Variants in CDH23 observed in about 807,000 individuals in gnomAD.
The protein encoded by CDH23 is cadherin-23.
CDH23 carries 189 observed loss-of-function variants against 317.1 expected under a neutral mutation model. That is an observed-to-expected ratio of 0.60 (90% CI 0.53 to 0.67). The LOEUF (loss-of-function observed/expected upper bound fraction) is 0.67. CDH23 is among the 30% of genes least tolerant of loss of function. CDH23 has a pLI of 0.00. For missense variants in CDH23, 4,401 were observed against 4,592.4 expected, an observed-to-expected ratio of 0.96 and a Z score of 1.20; for synonymous variants, 1,839 against 1,876.8, an observed-to-expected ratio of 0.98 and a Z score of 0.52.
chr10:71,660,684 T>C (rs1440284852), intron 14 of CDH23, among the ~76,000 whole-genome samples: 1 of 150,370 alleles, frequency 6.7e-6, no homozygotes, highest in Non-Finnish European at 1.5e-5. Flanking sequence ...CCAGGTAGCA[T>C]TGTGTCCACC....
At chr10:71,709,274 C>G in intron 27 of CDH23, 63 bp downstream of exon 27, 2 of 1,464,482 alleles carry the variant, frequency 1.4e-6, no homozygotes, top group Non-Finnish European at 1.9e-6. Flanking sequence ...AGGGTGCCTC[C>G]CAGGAGCTGG....
chr10:71,547,208 C>T (rs891589157), intron 6 of CDH23, among the ~76,000 whole-genome samples: 7 of 152,316 alleles, frequency 4.6e-5, no homozygotes, highest in Non-Finnish European at 1.0e-4. Flanking sequence ...GCAAATACAG[C>T]CAAGGACCCG....
At position 71,792,840 on chromosome 10, in the gene CDH23, AAAAAAAAAAAAAATAT is replaced by A. The variant is rs1169591521; in HGVS notation, c.6254-340_6254-325del. On this transcript the variant is annotated intron_variant, in intron 47 of 69. Coordinates refer to ENST00000224721, the MANE Select transcript of CDH23 (RefSeq NM_022124.6). ...CCATCTAAAAAAAAAAAAAAAAAAA[AAAAAAAAAAAAAATAT>A]ATATATATATATATATATATGTCTC... Among the ~76,000 whole-genome samples the A allele has an allele frequency of 1.1e-4, 8 of 74,944 alleles. No individual in the cohort carries two copies. In the South Asian group the frequency reaches 1.3e-3, roughly 12 times the overall value. 49.2% of individuals were successfully genotyped at this position (74,944 alleles called of 152,430 possible). A position where few individuals can be genotyped will look rare whatever the true frequency, so the allele number is the denominator to read the frequency against.
In CDH23 at chr10:71,778,238, G is replaced by A. The variant is rs376614796; in HGVS notation, c.5117G>A (p.Arg1706His). Residue 1706 changes from arginine (R) to histidine (H), a missense_variant, in exon 40 of 70, where the codon CGC becomes CAC. This residue lies in a region of CDH23 where 3,068 missense variants were observed against 3,203.3 expected (regional missense o/e 0.96). Coordinates refer to ENST00000224721, the MANE Select transcript of CDH23 (RefSeq NM_022124.6). ...KELDYEISHG[R>H]YTLIVTATDQ... The stretch of plus-strand genomic sequence containing the variant: ...CTGGACTACGAGATCAGCCACGGCC[G>A]CTACACCCTGATCGTCACTGCCACA... 98 of 1,613,690 alleles carry A rather than the reference G, an allele frequency of 6.1e-5. No individual in the cohort carries two copies. The highest frequency in any genetic ancestry group is 4.3e-4 in the South Asian group (39 of 91,064).
rs1865738458 is a variant in CDH23, at chr10:71,705,147, G to A, written c.2953+17G>A. 1.2e-6 allele frequency: 2 copies of A among 1,600,212 alleles called. No homozygotes were observed. The highest frequency in any genetic ancestry group is 1.7e-6 in the Non-Finnish European group (2 of 1,173,048). On this transcript the variant is annotated intron_variant, in intron 25 of 69. Transcript: ENST00000224721. ...CCATCCATGGTGAGGGGGCGCAGGG[G>A]CTTCTGCTGTGTGCTCAGTGTGTGG...
At chr10:71,578,014 C>T in intron 9 of CDH23, 22 bp downstream of exon 9, 2 of 1,573,142 alleles carry the variant, frequency 1.3e-6, no homozygotes, top group Non-Finnish European at 1.7e-6. Context: ...GGCTGCCCCT[C>T]TCTCCTCTCA....
At chr10:71,795,399 A>C (rs754499441) in intron 48 of CDH23, 1 of 152,206 alleles carries the variant, frequency 6.6e-6, no homozygotes, top group Non-Finnish European at 1.5e-5. Context: ...TCCTGGCTGC[A>C]TGGGTTGGTC....
chr10:71,593,604 GA>G (rs1313651055), intron 9 of CDH23, among the ~76,000 whole-genome samples: 1 of 152,186 alleles, frequency 6.6e-6, no homozygotes, highest in Non-Finnish European at 1.5e-5. Flanking sequence ...TGCAGATCGA[GA>G]GGAAAAAGTT....
chr10:71,584,596 T>C (rs1439931720), intron 9 of CDH23, among the ~76,000 whole-genome samples: 2 of 128,854 alleles, frequency 1.6e-5, no homozygotes, highest in Non-Finnish European at 3.5e-5. Context: ...AATAATCAGA[T>C]ACAGTCAGAC....
rs1455212262 is a variant in CDH23, at chr10:71,803,348, G to T, written c.7800G>T (p.Glu2600Asp). The T allele has an allele frequency of 6.3e-7, 1 of 1,598,044 alleles. No individual in the cohort carries two copies. Among genetic ancestry groups the T allele is most frequent in the South Asian group, 1.1e-5 (1 of 88,116 alleles). ...PLWGTTMLLV[E>D]VIDVNDNRPV... The stretch of plus-strand genomic sequence containing the variant: ...GGGGCACCACCATGCTCCTGGTGGA[G>T]GTCATCGACGTCAATGACAACCGCC... Residue 2600 changes from glutamate (E) to aspartate (D), a missense_variant, in exon 55 of 70, where the codon GAG becomes GAT. By Grantham distance (45) the Glu-to-Asp change is conservative. This residue lies in a region of CDH23 where 1,144 missense variants were observed against 1,138.2 expected (regional missense o/e 1.01). Coordinates refer to ENST00000224721, the MANE Select transcript of CDH23 (RefSeq NM_022124.6).
intron 28 of CDH23, chr10:71,716,205 T>A (rs781281931): frequency 6.4e-7 from 1 of 1,551,104 alleles, no homozygotes; most frequent in South Asian, 1.2e-5. Flanking sequence ...AGGAGGAAGA[T>A]GCAGGCCAGG....
At chr10:71,618,304 A>C (rs1263778129) in intron 11 of CDH23, among the ~76,000 whole-genome samples, 1 of 152,088 alleles carries the variant, frequency 6.6e-6, no homozygotes, top group African/African-American at 2.4e-5. Flanking sequence ...CAGGAGGCTC[A>C]GGGTGGGGGC....
At chr10:71,731,423 A>T (rs1839381306) in intron 31 of CDH23, among the ~76,000 whole-genome samples, 1 of 152,196 alleles carries the variant, frequency 6.6e-6, no homozygotes, top group South Asian at 2.1e-4. Flanking sequence ...AGTTTAGGGC[A>T]CATACGCGGC....
rs1039066703 is a variant in CDH23 at position 71,811,246 on chromosome 10, A to G, written c.9078-69A>G. On this transcript the variant is annotated intron_variant, in intron 62 of 69. Coordinates refer to ENST00000224721, the MANE Select transcript of CDH23 (RefSeq NM_022124.6). ...TTGAACTTTGGAGGCTTGAGGCAGGAGCAGAGCAGACTGTCGGTGGTGGGG... is the reference window on the plus strand; with the variant it reads ...TTGAACTTTGGAGGCTTGAGGCAGGGGCAGAGCAGACTGTCGGTGGTGGGG... 7.5e-6 allele frequency: 12 copies of G among 1,610,734 alleles called. No homozygotes were observed. In the East Asian group the frequency reaches 2.5e-4, roughly 33 times the overall value.
chr10:71,636,383 T>C (rs1862277781), intron 11 of CDH23, among the ~76,000 whole-genome samples: 2 of 152,064 alleles, frequency 1.3e-5, no homozygotes, highest in South Asian at 4.1e-4. Flanking sequence ...TCGCTGGGCA[T>C]AGTGGTGCAC....
At chr10:71,760,714 A>ATGTGC in intron 38 of CDH23, 2 of 702,492 alleles carry the variant, frequency 2.8e-6, no homozygotes, top group Non-Finnish European at 5.1e-6. Flanking sequence ...ACCAAGGAGG[A>ATGTGC]AGCAGAAGGG....
Position 71,742,310 on chromosome 10 carries a change from A to C in CDH23, c.4845+389A>C, listed in dbSNP as rs192958631. On this transcript the variant is annotated intron_variant, in intron 38 of 69. Coordinates refer to ENST00000224721, the MANE Select transcript of CDH23 (RefSeq NM_022124.6). The stretch of plus-strand genomic sequence containing the variant: ...GCACTGTGAGGTCACACCAATGTGC[A>C]TGGTGGTGTCTTACAGAAAGGGTGC... Among the ~76,000 whole-genome samples, 8 of 152,316 alleles carry C rather than the reference A, an allele frequency of 5.3e-5. No homozygotes were observed. The East Asian group carries it at 1.4e-3, about 26-fold the overall frequency.
chr10:71,646,814 T>C (rs1348199423), intron 14 of CDH23, 197 bp downstream of exon 14: 3 of 1,513,626 alleles, frequency 2.0e-6, no homozygotes, highest in Non-Finnish European at 2.7e-6. Context: ...GGTTGCAATA[T>C]GGAAAAGGAG....
chr10:71,518,733 G>A (rs1264895422), intron 6 of CDH23, among the ~76,000 whole-genome samples: 1 of 152,188 alleles, frequency 6.6e-6, no homozygotes. Flanking sequence ...TTGCCTGCAG[G>A]GAAGATTCAA....
Sources: gnomAD v4.1 joint callset for allele counts (sites outside exome capture counted in the v4.1 genomes callset) on GRCh38, gnomAD v4.1.1 for gene constraint, gnomAD v4.1.1 regional missense constraint, MANE v1.5 for transcripts, NCBI Gene and HGNC (gene_info 2026-07-23, HGNC 2026-07-21) for gene names.